AGAP3: variants seen among roughly 807,000 people sequenced by gnomAD.
The protein encoded by AGAP3 is ArfGAP with GTPase domain, ankyrin repeat and PH domain 3.
In AGAP3, 24 loss-of-function variants were observed where a neutral mutation model predicts 96.9. The ratio of observed to expected loss-of-function variants is 0.25; its 90% CI spans 0.18 to 0.35. AGAP3 has a LOEUF of 0.35. Among genes scored for constraint, AGAP3 ranks in the 10% least tolerant of loss-of-function variants. The pLI is 1.00. For missense variants in AGAP3, 876 were observed against 1,254.2 expected (o/e 0.70, Z 4.55); for synonymous variants, 563 against 536.1 (o/e 1.05, Z -0.69).
chr7:151,136,413 G>A (rs1002113055), intron 11 of AGAP3: 1 of 152,234 alleles, frequency 6.6e-6, no homozygotes, highest in Admixed American at 6.5e-5. Context: ...TGCCCACCCA[G>A]CCCGCGTCCC....
Position 151,140,238 on chromosome 7 carries a change from G to T in AGAP3, c.1804+122G>T. ...TCAGTGGATTAAGCACTTTCTAGTAGTTGCTAATCAAAGTAGTTCTACAGC... is the reference window on the plus strand; with the variant it reads ...TCAGTGGATTAAGCACTTTCTAGTATTTGCTAATCAAAGTAGTTCTACAGC... On this transcript the variant is annotated intron_variant, in intron 13 of 17. Transcript: ENST00000397238. The surrounding 1 kb of genome is among the most constrained non-coding windows in gnomAD (Gnocchi z 5.4). The T allele has an allele frequency of 8.6e-7, 1 of 1,164,906 alleles. No homozygotes were observed. The allele number at this position is 1,164,906 out of a possible 1,614,324, so 72.2% of individuals were successfully genotyped here. A position where few individuals can be genotyped will look rare whatever the true frequency, so the allele number is the denominator to read the frequency against.
intron 1 of AGAP3, among the ~76,000 whole-genome samples, chr7:151,100,140 T>C (rs1798779379): frequency 6.6e-6 from 1 of 152,198 alleles, no homozygotes; most frequent in African/African-American, 2.4e-5. Context: ...AGTGCGCCCT[T>C]TGTGGCGTCT....
Position 151,114,769 on chromosome 7 carries a change from G to T in AGAP3, c.332-2024G>T. 9.8e-7 allele frequency: 1 copy of T among 1,023,362 alleles called. No individual in the cohort carries two copies. The allele number at this position is 1,023,362 out of a possible 1,614,324, so 63.4% of individuals were successfully genotyped here. ...CCTGGCCCGCGCCCGCCGGCCCTGA[G>T]CATGGAGCGGGGCTGGCCGCAGGGG... On this transcript the variant is annotated intron_variant, in intron 1 of 17. Transcript: ENST00000397238. This position sits in a 1 kb window ranked among gnomAD's most constrained non-coding sequence, Gnocchi z 4.4.
At chr7:151,091,964 G>A (rs913256333) in intron 1 of AGAP3, among the ~76,000 whole-genome samples, 7 of 151,980 alleles carry the variant, frequency 4.6e-5, no homozygotes, top group African/African-American at 1.5e-4. Flanking sequence ...CTCTCGGAAC[G>A]GCAAGTTGGA....
chr7:151,126,444 G>GGCTGGGAGAA lies in AGAP3; in HGVS notation c.1222-2127_1222-2126insAGCTGGGAGA, dbSNP rs1563500680. 7.5e-3 allele frequency among the ~76,000 whole-genome samples: 1,128 copies of GGCTGGGAGAA among 150,638 alleles called. 14 individuals are homozygous for GGCTGGGAGAA. Among genetic ancestry groups the GGCTGGGAGAA allele is most frequent in the African/African-American group, 0.026 (1,041 of 40,744 alleles). On this transcript the variant is annotated intron_variant, in intron 9 of 17. Coordinates refer to ENST00000397238, the MANE Select transcript of AGAP3 (RefSeq NM_031946.7). ...GGAGAGGCTGGGAGAGGCTGGGAGAGGCTGGGAGAGGCTGGGAGAGGGAAG... is the reference window on the plus strand; with the variant it reads ...GGAGAGGCTGGGAGAGGCTGGGAGAGGCTGGGAGAAGCTGGGAGAGGCTGGGAGAGGGAAG...
At chr7:151,119,872 C>T in intron 7 of AGAP3, 115 bp from the exon 8 acceptor site, 1 of 977,154 alleles carries the variant, frequency 1.0e-6, no homozygotes, top group Non-Finnish European at 1.5e-6. Flanking sequence ...AGTGGCCCCT[C>T]TGCTGCCCAT....
rs773956176 is a variant in AGAP3, at chr7:151,143,867, C to T, written c.2660C>T (p.Ala887Val). The change falls in exon 18 of 18, where the codon GCG becomes GTG. Residue 887 changes from alanine (A) to valine (V), a missense_variant. Coordinates refer to ENST00000397238, the MANE Select transcript of AGAP3 (RefSeq NM_031946.7). The surrounding 1 kb of genome is among the most constrained non-coding windows in gnomAD (Gnocchi z 5.9). ...TGCCCTGGGGAGGGCTGTGGCTTAG[C>T]GCCTACCCCCAACAGAGAGCCTGCC... ...HGCPGEGCGL[A>V]PTPNREPANG... is the part of the protein sequence containing the mutation. The T allele has an allele frequency of 3.3e-5, 53 of 1,613,848 alleles. No homozygotes were observed. The South Asian group carries it at 4.2e-4, about 13-fold the overall frequency.
At position 151,123,172 on chromosome 7, in the gene AGAP3, C is replaced by T. The variant is rs1025547963; in HGVS notation, c.1129-622C>T. 6.2e-5 allele frequency: 66 copies of T among 1,067,178 alleles called. 1 individual carries two copies. The Admixed American group carries it at 7.9e-4, about 13-fold the overall frequency. The allele number at this position is 1,067,178 out of a possible 1,614,324, so 66.1% of individuals were successfully genotyped here. ...TGCTCCTTCCTGCATGGACCTCTGC[C>T]GTTCCTGCTCCTGCTCCGGAAGCCG... On this transcript the variant is annotated intron_variant, in intron 8 of 17. Transcript: ENST00000397238.
In AGAP3 at chr7:151,139,837, A is replaced by T; in HGVS notation, c.1667-142A>T. On this transcript the variant is annotated intron_variant, in intron 12 of 17. Coordinates refer to ENST00000397238, the MANE Select transcript of AGAP3 (RefSeq NM_031946.7). This position sits in a 1 kb window ranked among gnomAD's most constrained non-coding sequence, Gnocchi z 4.9. ...TGGGAAGCCCAGGCAGACCTCGCCT[A>T]GAGAGAGGTGTCCGTCTGGCTCTCC... 2.7e-6 allele frequency: 2 copies of T among 751,386 alleles called. No homozygotes were observed. Among genetic ancestry groups the T allele is most frequent in the Non-Finnish European group, 3.8e-6 (2 of 525,626 alleles). 46.5% of individuals were successfully genotyped at this position (751,386 alleles called of 1,614,324 possible).
Position 151,143,865 on chromosome 7 carries a change from A to G in AGAP3, c.2658A>G (p.Leu886=). ...GCTGCCCTGGGGAGGGCTGTGGCTTAGCGCCTACCCCCAACAGAGAGCCTG... is the reference window on the plus strand; with the variant it reads ...GCTGCCCTGGGGAGGGCTGTGGCTTGGCGCCTACCCCCAACAGAGAGCCTG... ...QHGCPGEGCG[L]APTPNREPAN... is the part of the protein sequence containing the mutation. Residue 886 remains leucine (L), a synonymous_variant, in exon 18 of 18, where the codon TTA becomes TTG. Coordinates refer to ENST00000397238, the MANE Select transcript of AGAP3 (RefSeq NM_031946.7). This position sits in a 1 kb window ranked among gnomAD's most constrained non-coding sequence, Gnocchi z 5.9. 6.2e-7 allele frequency: 1 copy of G among 1,613,946 alleles called. No individual in the cohort carries two copies. The highest frequency in any genetic ancestry group is 8.5e-7 in the Non-Finnish European group (1 of 1,180,016).
intron 1 of AGAP3, among the ~76,000 whole-genome samples, chr7:151,093,328 A>G (rs1798473067): frequency 6.6e-6 from 1 of 152,012 alleles, no homozygotes; most frequent in Admixed American, 6.6e-5. Flanking sequence ...CTTTGTAGAG[A>G]TGGGGTCTTG....
intron 1 of AGAP3, among the ~76,000 whole-genome samples, chr7:151,088,938 C>T (rs1453707980): frequency 6.6e-6 from 1 of 152,200 alleles, no homozygotes; most frequent in African/African-American, 2.4e-5. Context: ...GGAAGCTCGG[C>T]CTCACCCTCG....
rs1425179638 is a variant in AGAP3, at chr7:151,114,702, G to GCGGCCC, written c.332-2084_332-2079dup. ...GGCCGGAGGTCCGTGCGCCCCGGCC[G>GCGGCCC]CGGCCCCGGCCCGGGCCCAGCCCCG... On this transcript the variant is annotated intron_variant, in intron 1 of 17. Transcript: ENST00000397238. The surrounding 1 kb of genome is among the most constrained non-coding windows in gnomAD (Gnocchi z 4.4). 65 of 996,378 alleles carry GCGGCCC rather than the reference G, an allele frequency of 6.5e-5. 1 individual carries two copies. The East Asian group carries it at 6.1e-3, about 94-fold the overall frequency. 61.7% of individuals were successfully genotyped at this position (996,378 alleles called of 1,614,324 possible). A position where few individuals can be genotyped will look rare whatever the true frequency, so the allele number is the denominator to read the frequency against.
intron 1 of AGAP3, among the ~76,000 whole-genome samples, chr7:151,113,182 C>G (rs1212272365): frequency 6.6e-6 from 1 of 152,180 alleles, no homozygotes; most frequent in East Asian, 1.9e-4. Flanking sequence ...TCCTTTTGAT[C>G]TGCAGCTCAG....
chr7:151,131,476 C>T (rs966079774), intron 10 of AGAP3, among the ~76,000 whole-genome samples: 2 of 152,172 alleles, frequency 1.3e-5, no homozygotes, highest in African/African-American at 4.8e-5. Context: ...GTGGTGACCG[C>T]TCTCCTGAGC....
At chr7:151,091,230 G>A (rs568594625) in intron 1 of AGAP3, among the ~76,000 whole-genome samples, 1 of 152,194 alleles carries the variant, frequency 6.6e-6, no homozygotes, top group Non-Finnish European at 1.5e-5. Flanking sequence ...GGACTGGGGG[G>A]GTCTGGGATG....
intron 1 of AGAP3, among the ~76,000 whole-genome samples, chr7:151,111,044 TCTC>T (rs893586352): frequency 6.6e-6 from 1 of 152,030 alleles, no homozygotes; most frequent in African/African-American, 2.4e-5. Flanking sequence ...CCCCCCGTCT[TCTC>T]CTCTGATTCC....
chr7:151,139,052 G>T lies in AGAP3; in HGVS notation c.1666+739G>T, dbSNP rs1031877466. Among the ~76,000 whole-genome samples the T allele has an allele frequency of 2.6e-5, 4 of 152,198 alleles. No individual in the cohort carries two copies. The highest frequency in any genetic ancestry group is 9.7e-5 in the African/African-American group (4 of 41,450). ...TGACCACAGATCTGAAGTTCTGAAG[G>T]CTCAAAAGGGCATGGAGCCAGCTCT... On this transcript the variant is annotated intron_variant, in intron 12 of 17. Transcript: ENST00000397238. This position sits in a 1 kb window ranked among gnomAD's most constrained non-coding sequence, Gnocchi z 4.9.
chr7:151,086,318 C>A (rs939728919), upstream of AGAP3, among the ~76,000 whole-genome samples: 10 of 138,124 alleles, frequency 7.2e-5, no homozygotes, highest in African/African-American at 2.7e-4. Flanking sequence ...GCAGAGCCAG[C>A]GAGCGAGCGA....
Sources: allele counts gnomAD v4.1 joint callset (sites outside exome capture counted in the v4.1 genomes callset), GRCh38; gene constraint gnomAD v4.1.1; non-coding constraint Gnocchi (gnomAD v3.1); transcripts MANE v1.5; gene names NCBI Gene and HGNC (gene_info 2026-07-23, HGNC 2026-07-21).